Variants in CDH3 observed in about 807,000 individuals in gnomAD.
CDH3 encodes cadherin-3.
Under a neutral mutation model 82.0 loss-of-function variants are expected in CDH3, and 54 were observed. The observed-to-expected ratio is 0.66, with a 90% CI of 0.53 to 0.83. The LOEUF (loss-of-function observed/expected upper bound fraction) is 0.83. Ranked by LOEUF, CDH3 falls within the 40% of genes least tolerant of loss-of-function variation. CDH3 has a pLI of 0.00. For synonymous variants in CDH3, 446 were observed against 437.9 expected, an observed-to-expected ratio of 1.02 and a Z score of -0.23; for missense variants, 1,054 against 1,084.6, an observed-to-expected ratio of 0.97 and a Z score of 0.40.
chr16:68,656,884 G>GGAAC (rs1399247867), intron 2 of CDH3, among the ~76,000 whole-genome samples: 2 of 152,166 alleles, frequency 1.3e-5, no homozygotes, highest in African/African-American at 4.8e-5. Flanking sequence ...AAGATATGGG[G>GGAAC]GAACAGGGAG....
chr16:68,660,895 C>A (rs140699205), intron 2 of CDH3, among the ~76,000 whole-genome samples: 1 of 151,226 alleles, frequency 6.6e-6, no homozygotes, highest in African/African-American at 2.4e-5. Context: ...GGAGGCAGAG[C>A]TTGCAGTGAG....
chr16:68,725,605 T>C (rs1459398569), intron 2 of CDH3, among the ~76,000 whole-genome samples: 2 of 151,990 alleles, frequency 1.3e-5, no homozygotes, highest in Non-Finnish European at 2.9e-5. Flanking sequence ...AGTGCAGGGA[T>C]TACAGGCGTG....
chr16:68,672,459 C>A (rs1036756080), intron 2 of CDH3, among the ~76,000 whole-genome samples: 2 of 152,148 alleles, frequency 1.3e-5, no homozygotes, highest in African/African-American at 4.8e-5. Context: ...GATGATTTAA[C>A]CTTTGCCACA....
intron 2 of CDH3, among the ~76,000 whole-genome samples, chr16:68,654,672 C>T (rs1338788534): frequency 7.1e-6 from 1 of 141,578 alleles, no homozygotes; most frequent in Non-Finnish European, 1.5e-5. Context: ...CACTGCACTC[C>T]AGGCTGGGTG....
At chr16:68,692,307 G>A (rs1961601710) in intron 13 of CDH3, among the ~76,000 whole-genome samples, 1 of 152,136 alleles carries the variant, frequency 6.6e-6, no homozygotes, top group African/African-American at 2.4e-5. Context: ...AAAATGCTGG[G>A]ATTACAGGTG....
In CDH3 at chr16:68,695,416, G is replaced by A. The variant is rs753823213; in HGVS notation, c.2133+31G>A. 15 of 1,588,294 alleles carry A rather than the reference G, an allele frequency of 9.4e-6. No homozygotes were observed. The South Asian group carries it at 1.6e-4, about 17-fold the overall frequency. The stretch of plus-strand genomic sequence containing the variant: ...GCACTGGGGGCTCTGGGATTGGGAG[G>A]TGGATGCCCCTAAGGCCACTGGCAG... On this transcript the variant is annotated intron_variant, in intron 14 of 15. Coordinates refer to ENST00000264012, the MANE Select transcript of CDH3 (RefSeq NM_001793.6).
chr16:68,653,720 C>T (rs1259541466), intron 2 of CDH3, among the ~76,000 whole-genome samples: 3 of 143,196 alleles, frequency 2.1e-5, no homozygotes, highest in Admixed American at 7.0e-5. Context: ...GACGGAGTCT[C>T]GCTCTGTCGC....
intron 1 of CDH3, among the ~76,000 whole-genome samples, chr16:68,710,091 G>A (rs1962008406): frequency 6.6e-6 from 1 of 152,230 alleles, no homozygotes; most frequent in Admixed American, 6.5e-5. Context: ...TACATTGGGG[G>A]AAGGAACCCA....
chr16:68,661,652 T>A (rs1320374954), intron 2 of CDH3, among the ~76,000 whole-genome samples: 1 of 152,216 alleles, frequency 6.6e-6, no homozygotes, highest in Non-Finnish European at 1.5e-5. Flanking sequence ...AAGCAAATTC[T>A]AGTGGGGGAG....
In CDH3 at chr16:68,707,564, T is replaced by G. The variant is rs1961979553; in HGVS notation, c.99+11641T>G. 6.6e-6 allele frequency among the ~76,000 whole-genome samples: 1 copy of G among 152,042 alleles called. No homozygotes were observed. The highest frequency in any genetic ancestry group is 1.5e-5 in the Non-Finnish European group (1 of 67,976). On this transcript the variant is annotated intron_variant, in intron 1 of 2. Transcript: ENST00000569080. The surrounding 1 kb of genome is among the most constrained non-coding windows in gnomAD (Gnocchi z 4.5). ...TGTCTGAGAGCGCCCTGTAGTCTGG[T>G]AGGGCGGTGGCTAAGACAGCAGCCC...
rs1253572375 is a variant in CDH3, at chr16:68,695,266, G to A, written c.2014G>A (p.Val672Met). The A allele has an allele frequency of 5.0e-6, 8 of 1,614,000 alleles. No individual in the cohort carries two copies. The highest frequency in any genetic ancestry group is 1.3e-5 in the African/African-American group (1 of 74,886). ...AVLALLFLLL[V>M]LLLLVRKKRK... ...CCCAACCCTTGCAGTCCTCCTGCTG[G>A]TGCTGCTTTTGTTGGTGAGAAAGAA... Residue 672 changes from valine to methionine, a missense_variant, in exon 14 of 16, where the codon GTG becomes ATG. Coordinates refer to ENST00000264012, the MANE Select transcript of CDH3 (RefSeq NM_001793.6).
chr16:68,684,897 TG>T, intron 10 of CDH3, 73 bp downstream of exon 10: 1 of 1,560,422 alleles, frequency 6.4e-7, no homozygotes, highest in East Asian at 2.2e-5. Flanking sequence ...GGCCAACGTT[TG>T]TTCTGATTAC....
intron 2 of CDH3, among the ~76,000 whole-genome samples, chr16:68,646,945 T>C (rs1160760978): frequency 6.6e-6 from 1 of 151,744 alleles, no homozygotes; most frequent in Non-Finnish European, 1.5e-5. Flanking sequence ...CAAAAGAGGA[T>C]TGAGGACCTT....
At chr16:68,649,571 G>T (rs1567435006) in intron 2 of CDH3, among the ~76,000 whole-genome samples, 1 of 152,174 alleles carries the variant, frequency 6.6e-6, no homozygotes, top group Non-Finnish European at 1.5e-5. Flanking sequence ...AAAAACAGAG[G>T]TTTTATTCCA....
chr16:68,660,542 C>T (rs1158468404), intron 2 of CDH3, among the ~76,000 whole-genome samples: 1 of 152,188 alleles, frequency 6.6e-6, no homozygotes, highest in Non-Finnish European at 1.5e-5. Context: ...TTAAAGCAGA[C>T]ACTCATTTCT....
chr16:68,689,217 C>A (rs1220848838), intron 12 of CDH3, among the ~76,000 whole-genome samples: 1 of 152,226 alleles, frequency 6.6e-6, no homozygotes, highest in East Asian at 1.9e-4. Flanking sequence ...TGGTGAGGAT[C>A]AGGGTAGGGC....
At chr16:68,663,832 A>G (rs1960663895) in intron 2 of CDH3, among the ~76,000 whole-genome samples, 1 of 151,760 alleles carries the variant, frequency 6.6e-6, no homozygotes, top group Admixed American at 6.6e-5. Context: ...TTATTTTATT[A>G]TACTTTAAGT....
downstream of CDH3, among the ~76,000 whole-genome samples, chr16:68,701,878 G>C (rs1961901112): frequency 6.6e-6 from 1 of 151,334 alleles, no homozygotes; most frequent in Non-Finnish European, 1.5e-5. Flanking sequence ...ACAAAAATTA[G>C]CTGGGTGTGG....
intron 2 of CDH3, among the ~76,000 whole-genome samples, chr16:68,675,574 A>G (rs1193016100): frequency 6.6e-6 from 1 of 152,126 alleles, no homozygotes; most frequent in Non-Finnish European, 1.5e-5. Flanking sequence ...AGGCGGGTGG[A>G]TCACAAGGTC....
Sources: allele counts gnomAD v4.1 joint callset (sites outside exome capture counted in the v4.1 genomes callset), GRCh38; gene constraint gnomAD v4.1.1; non-coding constraint Gnocchi (gnomAD v3.1); transcripts MANE v1.5; gene names NCBI Gene and HGNC (gene_info 2026-07-23, HGNC 2026-07-21).